Variants in CLDN14 observed in about 807,000 individuals in gnomAD.
The protein encoded by CLDN14 is claudin-14.
A neutral mutation model predicts 2.1 loss-of-function variants in CLDN14; 2 were observed. The observed-to-expected ratio is 0.96, with a 90% CI of 0.39 to 3.01. The LOEUF is 3.01. Ranked by LOEUF, CLDN14 falls within the 30% of genes most tolerant of loss-of-function variation. CLDN14 has a pLI of 0.09. For missense variants in CLDN14, 298 were observed against 328.0 expected (o/e 0.91, Z 0.71); for synonymous variants, 136 against 154.4 (o/e 0.88, Z 0.88).
chr21:36,575,063 GC>G (rs1478817309), intron 1 of CLDN14, among the ~76,000 whole-genome samples: 1 of 152,194 alleles, frequency 6.6e-6, no homozygotes, highest in Non-Finnish European at 1.5e-5. Flanking sequence ...CCACCTCACT[GC>G]ATTATCTTCT....
Position 36,461,183 on chromosome 21 carries a change from C to G in CLDN14, c.513G>C (p.Ser171=), listed in dbSNP as rs756847536. 3 of 1,613,930 alleles carry G rather than the reference C, an allele frequency of 1.9e-6. No individual in the cohort carries two copies. Among genetic ancestry groups the G allele is most frequent in the Non-Finnish European group, 2.5e-6 (3 of 1,179,844 alleles). Residue 171 remains serine, a synonymous_variant, in exon 2 of 2, where the codon TCG becomes TCC. Transcript: ENST00000399135. ...GQALYLGFIS[S]SLSLIGGTLL... is the part of the protein sequence containing the mutation. ...GGGTGCCACCAATGAGCGAGAGGGACGAGGAGATGAAGCCCAGGTACAGGG... is the reference window on the plus strand; with the variant it reads ...GGGTGCCACCAATGAGCGAGAGGGAGGAGGAGATGAAGCCCAGGTACAGGG...
intron 1 of CLDN14, chr21:36,532,338 T>C (rs1418054666): frequency 6.6e-6 from 1 of 151,520 alleles, no homozygotes; most frequent in Admixed American, 6.6e-5. Context: ...GCGGTTGGAA[T>C]GCTAGCCTTA....
intron 1 of CLDN14, among the ~76,000 whole-genome samples, chr21:36,573,968 T>C (rs1303897120): frequency 6.6e-6 from 1 of 152,180 alleles, no homozygotes; most frequent in Non-Finnish European, 1.5e-5. Flanking sequence ...GACTTAATAT[T>C]GTTAAGATGT....
intron 1 of CLDN14, among the ~76,000 whole-genome samples, chr21:36,523,783 GAAAGAAAGAAAGAA>G (rs1258835892): frequency 1.1e-4 from 2 of 18,464 alleles, no homozygotes; most frequent in Non-Finnish European, 2.8e-4. Context: ...GAGAAAGAGA[GAAAGAAAGAAAGAA>G]AGAAAGAAAG....
chr21:36,567,739 C>T (rs549319620), intron 1 of CLDN14, among the ~76,000 whole-genome samples: 1 of 152,280 alleles, frequency 6.6e-6, no homozygotes, highest in South Asian at 2.1e-4. Context: ...GCTCCATTCA[C>T]CTCAAATCCC....
intron 1 of CLDN14, among the ~76,000 whole-genome samples, chr21:36,566,697 AGC>A (rs1187316742): frequency 1.3e-5 from 2 of 152,248 alleles, no homozygotes; most frequent in Non-Finnish European, 2.9e-5. Flanking sequence ...CATGTGCAAA[AGC>A]GTTTTCTTAT....
intron 2 of CLDN14, chr21:36,486,189 C>A: frequency 2.9e-6 from 3 of 1,044,796 alleles, no homozygotes; most frequent in Non-Finnish European, 4.5e-6. Context: ...GCTGAGCTGG[C>A]ATCAATGTCT....
At position 36,479,727 on chromosome 21, in the gene CLDN14, C is replaced by G. The variant is rs2086823058; in HGVS notation, c.-314G>C. 6.6e-6 allele frequency: 1 copy of G among 152,238 alleles called. No individual in the cohort carries two copies. The highest frequency in any genetic ancestry group is 2.1e-4 in the South Asian group (1 of 4,828). The allele number at this position is 152,238 out of a possible 1,614,324, so 9.4% of individuals were successfully genotyped here. On this transcript the variant is annotated 5_prime_UTR_variant, in exon 1 of 2. Coordinates refer to ENST00000399135, the MANE Select transcript of CLDN14 (RefSeq NM_001146079.2). ...ATGGCCTGCGTGGGCACACGTGCCA[C>G]TTGGTTAGCTAGCATGAGAGGAGGT...
chr21:36,512,702 T>C (rs1461910116), intron 1 of CLDN14, among the ~76,000 whole-genome samples: 1 of 152,094 alleles, frequency 6.6e-6, no homozygotes, highest in Non-Finnish European at 1.5e-5. Context: ...CATGTGAACA[T>C]ATCTGTGTAT....
chr21:36,463,466 C>G (rs219768), intron 1 of CLDN14, among the ~76,000 whole-genome samples: 41,145 of 152,144 alleles, frequency 0.27, 6,154 homozygotes, highest in African/African-American at 0.38. Context: ...AATCCCAGCA[C>G]TTTGGGAGGC....
upstream of CLDN14, among the ~76,000 whole-genome samples, chr21:36,483,601 G>T (rs145798950): frequency 4.3e-3 from 652 of 152,352 alleles, 3 homozygotes; most frequent in African/African-American, 0.015. Flanking sequence ...AACTAGGAGT[G>T]CAGGTCAGCC....
At chr21:36,562,083 A>G (rs1354562170) in intron 1 of CLDN14, among the ~76,000 whole-genome samples, 2 of 151,966 alleles carry the variant, frequency 1.3e-5, no homozygotes, top group Non-Finnish European at 2.9e-5. Context: ...GCAGCAAAGA[A>G]GGCTATTATT....
chr21:36,489,131 A>AAAAAATATATATATATATATATATAT, intron 2 of CLDN14, among the ~76,000 whole-genome samples: 4 of 62,748 alleles, frequency 6.4e-5, no homozygotes, highest in Non-Finnish European at 8.9e-5. Flanking sequence ...AAAAAAAAAA[A>AAAAAATATATATATATATATATATAT]ATATATATAT....
At chr21:36,569,863 G>C (rs561040215) in intron 1 of CLDN14, among the ~76,000 whole-genome samples, 11 of 152,336 alleles carry the variant, frequency 7.2e-5, no homozygotes, top group African/African-American at 2.4e-4. Flanking sequence ...TTGGCAAAAA[G>C]TGTTTAACCT....
Position 36,515,789 on chromosome 21 carries a change from C to CTTTTTTTTTT in CLDN14, c.-219-5299_-219-5290dup, listed in dbSNP as rs1555850517. 2.1e-3 allele frequency among the ~76,000 whole-genome samples: 241 copies of CTTTTTTTTTT among 115,292 alleles called. 11 individuals carry two copies. Among genetic ancestry groups the CTTTTTTTTTT allele is most frequent in the African/African-American group, 6.4e-3 (181 of 28,188 alleles). The allele number at this position is 115,292 out of a possible 152,430, so 75.6% of individuals were successfully genotyped here. On this transcript the variant is annotated intron_variant, in intron 1 of 2. Transcript: ENST00000342108. The stretch of plus-strand genomic sequence containing the variant: ...AAGCTGTGTTTCCCTTTTATCTTCT[C>CTTTTTTTTTT]TTTTTTTTTTTTTTTGAGACAGAGT...
chr21:36,470,436 G>T (rs747709629), intron 1 of CLDN14, among the ~76,000 whole-genome samples: 2 of 151,806 alleles, frequency 1.3e-5, no homozygotes, highest in South Asian at 4.1e-4. Flanking sequence ...GTGGAGGATC[G>T]CCAGCAACCC....
At chr21:36,490,985 CA>C (rs1568856344) in intron 2 of CLDN14, among the ~76,000 whole-genome samples, 18 of 151,408 alleles carry the variant, frequency 1.2e-4, no homozygotes, top group African/African-American at 2.2e-4. Context: ...CACACACACA[CA>C]CACCCCTGGA....
intron 2 of CLDN14, among the ~76,000 whole-genome samples, chr21:36,504,619 TA>T (rs2087115706): frequency 6.6e-6 from 1 of 152,210 alleles, no homozygotes; most frequent in African/African-American, 2.4e-5. Context: ...TACAATTATT[TA>T]AAAAGGAAAC....
intron 1 of CLDN14, among the ~76,000 whole-genome samples, chr21:36,512,899 A>G (rs2087196911): frequency 6.6e-6 from 1 of 152,228 alleles, no homozygotes; most frequent in Admixed American, 6.5e-5. Flanking sequence ...AAGTCTTTCT[A>G]TATTTCTTAT....
Sources: gnomAD v4.1 joint callset for allele counts (sites outside exome capture counted in the v4.1 genomes callset) on GRCh38, gnomAD v4.1.1 for gene constraint, MANE v1.5 for transcripts, NCBI Gene and HGNC (gene_info 2026-07-23, HGNC 2026-07-21) for gene names.